Variants in FAM13A observed in about 807,000 individuals in gnomAD.
FAM13A encodes the protein protein FAM13A.
Under a neutral mutation model 129.6 loss-of-function variants are expected in FAM13A, and 76 were observed. The observed-to-expected ratio is 0.59, with a 90% CI of 0.49 to 0.71. FAM13A has a LOEUF of 0.71. FAM13A is among the 30% of genes least tolerant of loss of function. FAM13A has a pLI of 0.00. For missense variants in FAM13A, 1,108 were observed against 1,249.3 expected, an observed-to-expected ratio of 0.89 and a Z score of 1.70; for synonymous variants, 443 against 449.9, an observed-to-expected ratio of 0.98 and a Z score of 0.20.
At chr4:89,034,978 G>A (rs1408430994) in intron 1 of FAM13A, among the ~76,000 whole-genome samples, 1 of 152,182 alleles carries the variant, frequency 6.6e-6, no homozygotes, top group East Asian at 1.9e-4. Context: ...GAATGAATTT[G>A]GGTGCCCATG....
At chr4:89,008,213 T>A (rs73845230) in intron 3 of FAM13A, among the ~76,000 whole-genome samples, 252 of 152,314 alleles carry the variant, frequency 1.7e-3, no homozygotes, top group African/African-American at 5.8e-3. Context: ...GGACTAAATT[T>A]TGTCCAAAAT....
At chr4:88,808,812 T>G (rs370716937) in intron 7 of FAM13A, among the ~76,000 whole-genome samples, 1 of 152,112 alleles carries the variant, frequency 6.6e-6, no homozygotes, top group African/African-American at 2.4e-5. Context: ...ATTGAGAGAT[T>G]TGGGCAATCA....
intron 7 of FAM13A, among the ~76,000 whole-genome samples, chr4:88,811,224 T>C (rs528021782): frequency 6.6e-6 from 1 of 152,090 alleles, no homozygotes; most frequent in South Asian, 2.1e-4. Flanking sequence ...GATGACGTAG[T>C]TGTGGAAGGC....
intron 6 of FAM13A, among the ~76,000 whole-genome samples, chr4:88,869,518 G>T (rs1453405473): frequency 1.3e-5 from 2 of 152,134 alleles, no homozygotes; most frequent in Non-Finnish European, 2.9e-5. Context: ...CATGTGCTTT[G>T]GTCTCAAAAG....
chr4:88,914,812 G>A (rs886096505), intron 5 of FAM13A, among the ~76,000 whole-genome samples: 2 of 152,128 alleles, frequency 1.3e-5, no homozygotes, highest in African/African-American at 4.8e-5. Flanking sequence ...TTGAATGAAC[G>A]AATAAAACTG....
rs866724982 is a variant in FAM13A at position 88,913,050 on chromosome 4, G to A, written c.760-6588C>T. On this transcript the variant is annotated intron_variant, in intron 5 of 23. Coordinates refer to ENST00000264344, the MANE Select transcript of FAM13A (RefSeq NM_014883.4). ...AGAAGAAGAAGAAGAAGTAGTAGAA[G>A]TAGTAGTAGAGAGAAGGAACAAGAG... Among the ~76,000 whole-genome samples the A allele has an allele frequency of 6.5e-4, 98 of 151,450 alleles. 1 individual carries two copies. Among genetic ancestry groups the A allele is most frequent in the African/African-American group, 2.2e-3 (91 of 41,296 alleles).
intron 6 of FAM13A, 88 bp from the exon 7 acceptor site, chr4:88,851,271 C>T: frequency 8.1e-7 from 1 of 1,237,058 alleles, no homozygotes; most frequent in South Asian, 1.8e-5. Flanking sequence ...ACAATTTATT[C>T]CAATTTTGCA....
chr4:88,828,273 T>C (rs1733345628), intron 7 of FAM13A, among the ~76,000 whole-genome samples: 1 of 152,134 alleles, frequency 6.6e-6, no homozygotes, highest in Non-Finnish European at 1.5e-5. Flanking sequence ...CCTGAGTAGC[T>C]GAGACCACAG....
At position 88,998,777 on chromosome 4, in the gene FAM13A, C is replaced by T. The variant is rs769040570; in HGVS notation, c.428-7627G>A. 5.7e-4 allele frequency among the ~76,000 whole-genome samples: 86 copies of T among 152,140 alleles called. 1 individual carries two copies. The highest frequency in any genetic ancestry group is 1.0e-3 in the South Asian group (5 of 4,828). On this transcript the variant is annotated intron_variant, in intron 3 of 23. Transcript: ENST00000264344. ...ACAGAATCAGACTGGGTTTTACCTC[C>T]GCATTTCATTCCCCAAGACTGGAAT...
intron 19 of FAM13A, among the ~76,000 whole-genome samples, chr4:88,745,365 G>C (rs570429289): frequency 8.7e-4 from 133 of 152,122 alleles, no homozygotes; most frequent in Non-Finnish European, 1.7e-3. Context: ...CTGAATGAGG[G>C]AATCTGTTCC....
At chr4:88,750,764 T>C in intron 14 of FAM13A, 127 bp from the exon 15 acceptor site, 1 of 679,536 alleles carries the variant, frequency 1.5e-6, no homozygotes, top group Non-Finnish European at 2.5e-6. Context: ...TTTCTCATTT[T>C]ACAGCTAAGG....
At chr4:88,937,761 C>A in intron 5 of FAM13A, 1 of 373,602 alleles carries the variant, frequency 2.7e-6, no homozygotes. Flanking sequence ...TGATCACAGC[C>A]ATATGCACTT....
intron 5 of FAM13A, among the ~76,000 whole-genome samples, chr4:88,922,534 T>G (rs1240879890): frequency 6.6e-6 from 1 of 151,878 alleles, no homozygotes; most frequent in African/African-American, 2.4e-5. Flanking sequence ...CCAGAATCTC[T>G]GGGACACATT....
At chr4:88,880,389 A>G (rs1396717109) in intron 6 of FAM13A, among the ~76,000 whole-genome samples, 1 of 152,176 alleles carries the variant, frequency 6.6e-6, no homozygotes, top group Non-Finnish European at 1.5e-5. Flanking sequence ...TAGAGAGCCA[A>G]GCGAAATATC....
chr4:88,966,167 C>G (rs1229449952), intron 4 of FAM13A, among the ~76,000 whole-genome samples: 1 of 152,128 alleles, frequency 6.6e-6, no homozygotes, highest in Non-Finnish European at 1.5e-5. Context: ...ATTTTTGAAA[C>G]TGGACTATTT....
At chr4:88,885,415 C>T (rs1744247080) in intron 6 of FAM13A, among the ~76,000 whole-genome samples, 1 of 152,098 alleles carries the variant, frequency 6.6e-6, no homozygotes, top group South Asian at 2.1e-4. Context: ...AGAAAGGACA[C>T]CCTACTCAAC....
At chr4:88,955,852 A>T (rs1052437513) in intron 4 of FAM13A, among the ~76,000 whole-genome samples, 1 of 152,216 alleles carries the variant, frequency 6.6e-6, no homozygotes, top group East Asian at 1.9e-4. Flanking sequence ...AGGGAAGCAG[A>T]GCATAAAAGT....
chr4:88,851,978 G>A (rs945162648), intron 6 of FAM13A, among the ~76,000 whole-genome samples: 1 of 152,028 alleles, frequency 6.6e-6, no homozygotes, highest in African/African-American at 2.4e-5. Flanking sequence ...AGAAACCTCG[G>A]ATCAATTGTA....
intron 7 of FAM13A, 112 bp downstream of exon 7, chr4:88,850,907 TA>T (rs1737448873): frequency 1.7e-5 from 16 of 923,096 alleles, no homozygotes; most frequent in Non-Finnish European, 2.7e-5. Context: ...TTTACTGATC[TA>T]TATCCTGTAA....
Sources: gnomAD v4.1 joint callset for allele counts (sites outside exome capture counted in the v4.1 genomes callset) on GRCh38, gnomAD v4.1.1 for gene constraint, MANE v1.5 for transcripts, NCBI Gene and HGNC (gene_info 2026-07-23, HGNC 2026-07-21) for gene names.